NCOR2: variants seen among roughly 807,000 people sequenced by gnomAD.
NCOR2 encodes nuclear receptor corepressor 2.
A neutral mutation model predicts 262.9 loss-of-function variants in NCOR2; 81 were observed. The ratio of observed to expected loss-of-function variants is 0.31; its 90% CI spans 0.26 to 0.37. The LOEUF is 0.37. Among genes scored for constraint, NCOR2 ranks in the 10% least tolerant of loss-of-function variants. NCOR2 has a pLI of 1.00. For missense variants in NCOR2, 3,385 were observed against 3,621.4 expected, an observed-to-expected ratio of 0.93 and a Z score of 1.68; for synonymous variants, 1,659 against 1,559.3, an observed-to-expected ratio of 1.06 and a Z score of -1.51.
chr12:124,560,145 G>A (rs982730224), intron 1 of NCOR2, among the ~76,000 whole-genome samples: 5 of 152,202 alleles, frequency 3.3e-5, no homozygotes, highest in African/African-American at 7.2e-5. Flanking sequence ...CAGGGAAACC[G>A]TGCAAGGCTA....
intron 22 of NCOR2, among the ~76,000 whole-genome samples, chr12:124,358,706 G>C (rs917946567): frequency 4.6e-5 from 7 of 152,254 alleles, no homozygotes; most frequent in South Asian, 2.1e-4. Context: ...GCCAGTGCAA[G>C]CAGCGGTTGT....
chr12:124,375,293 A>C (rs1379358135), intron 18 of NCOR2, among the ~76,000 whole-genome samples: 2 of 152,054 alleles, frequency 1.3e-5, no homozygotes, highest in African/African-American at 4.8e-5. Context: ...CAGGGATGAA[A>C]CTTCTGGGTC....
intron 8 of NCOR2, among the ~76,000 whole-genome samples, chr12:124,435,966 T>G (rs1193908169): frequency 2.6e-5 from 4 of 152,206 alleles, no homozygotes; most frequent in Admixed American, 2.6e-4. Context: ...CCCTAATGTA[T>G]GGAGAGCACT....
intron 8 of NCOR2, among the ~76,000 whole-genome samples, chr12:124,435,278 C>T (rs1702324): frequency 0.87 from 132,479 of 152,268 alleles, 57,805 homozygotes; most frequent in East Asian, 0.96. Context: ...CTGTGACTCC[C>T]GGGCACCCAG....
intron 20 of NCOR2, among the ~76,000 whole-genome samples, chr12:124,364,868 T>C (rs531902546): frequency 2.0e-5 from 3 of 152,108 alleles, no homozygotes; most frequent in South Asian, 4.2e-4. Context: ...CATTTGGATG[T>C]ATGGAGGCAG....
At chr12:124,332,280 G>A in intron 43 of NCOR2, 39 bp downstream of exon 45, 1 of 1,611,524 alleles carries the variant, frequency 6.2e-7, no homozygotes, top group South Asian at 1.1e-5. Flanking sequence ...CCGCCCACCT[G>A]TGGCCCCATG....
rs534245183 is a variant in NCOR2, at chr12:124,387,764, C to T, written c.1877-1877G>A. 2.9e-3 allele frequency among the ~76,000 whole-genome samples: 441 copies of T among 152,322 alleles called. 7 individuals are homozygous for T. The highest frequency in any genetic ancestry group is 0.01 in the African/African-American group (426 of 41,578). On this transcript the variant is annotated intron_variant, in intron 16 of 46. Transcript: ENST00000405201. ...ACTTCCAGAACCTGGCGGACAGGGC[C>T]GCGCGTTTATTTATATTTCCCCAGC...
At chr12:124,435,530 C>A (rs1374888630) in intron 8 of NCOR2, among the ~76,000 whole-genome samples, 4 of 152,204 alleles carry the variant, frequency 2.6e-5, no homozygotes, top group Non-Finnish European at 4.4e-5. Flanking sequence ...CCCTCTAGTA[C>A]CCAACCAAGT....
chr12:124,350,765 G>A (rs2037379462), intron 27 of NCOR2, 28 bp from the exon 30 acceptor site: 4 of 1,598,050 alleles, frequency 2.5e-6, no homozygotes, highest in Non-Finnish European at 3.4e-6. Flanking sequence ...TGAGCGCCCA[G>A]GAGGCTGCAG....
At chr12:124,400,961 T>C (rs1301776543) in intron 14 of NCOR2, among the ~76,000 whole-genome samples, 1 of 152,106 alleles carries the variant, frequency 6.6e-6, no homozygotes, top group East Asian at 1.9e-4. Context: ...TCTCAGCACT[T>C]TGGGAGGCCG....
intron 8 of NCOR2, among the ~76,000 whole-genome samples, chr12:124,435,543 G>A (rs1018636729): frequency 3.3e-5 from 5 of 152,170 alleles, no homozygotes; most frequent in Admixed American, 2.6e-4. Flanking sequence ...AACCAAGTTC[G>A]GGGCCAGAGC....
At chr12:124,429,524 C>T (rs1220942377) in intron 10 of NCOR2, 89 bp downstream of exon 12, 10 of 1,382,006 alleles carry the variant, frequency 7.2e-6, no homozygotes, top group East Asian at 5.0e-5. Flanking sequence ...GTAAACCACC[C>T]GGGAGGTGGT....
At chr12:124,368,518 C>T (rs1468923051) in intron 20 of NCOR2, among the ~76,000 whole-genome samples, 1 of 152,220 alleles carries the variant, frequency 6.6e-6, no homozygotes, top group Admixed American at 6.5e-5. Context: ...ACCCGTGGGG[C>T]CTGCCCACCT....
intron 37 of NCOR2, among the ~76,000 whole-genome samples, chr12:124,337,816 G>A (rs941769207): frequency 6.6e-6 from 1 of 152,190 alleles, no homozygotes; most frequent in Non-Finnish European, 1.5e-5. Context: ...GCTGGAACAG[G>A]AGCCGGCTGC....
chr12:124,490,362 A>G (rs1189963128), intron 1 of NCOR2, among the ~76,000 whole-genome samples: 1 of 152,176 alleles, frequency 6.6e-6, no homozygotes, highest in Non-Finnish European at 1.5e-5. Context: ...CTGCACTGCA[A>G]GGGCCTGGAA....
In NCOR2 at chr12:124,398,371, C is replaced by T. The variant is rs542274517; in HGVS notation, c.1814-190G>A. ...AGCCAGTACCCACCGTGGCACCTGA[C>T]TCCCTGAGCCTTTATGCTGGGCTGG... On this transcript the variant is annotated intron_variant, in intron 15 of 46. Coordinates refer to ENST00000405201, the Ensembl canonical transcript of NCOR2. 3.3e-5 allele frequency among the ~76,000 whole-genome samples: 5 copies of T among 152,372 alleles called. No homozygotes were observed. The East Asian group carries it at 9.6e-4, about 29-fold the overall frequency.
intron 1 of NCOR2, among the ~76,000 whole-genome samples, chr12:124,501,513 C>T (rs983019825): frequency 1.9e-4 from 29 of 152,186 alleles, no homozygotes; most frequent in African/African-American, 7.0e-4. Flanking sequence ...GCCCTTCCTA[C>T]TTCCTCACTC....
intron 41 of NCOR2, among the ~76,000 whole-genome samples, chr12:124,333,925 TGTGC>T (rs2035583933): frequency 2.7e-5 from 4 of 149,576 alleles, no homozygotes; most frequent in African/African-American, 7.6e-5. Context: ...TGTGCATGTG[TGTGC>T]GCGCGCATGT....
chr12:124,346,344 G>C (rs1003864421), intron 31 of NCOR2, among the ~76,000 whole-genome samples: 1 of 152,188 alleles, frequency 6.6e-6, no homozygotes, highest in Non-Finnish European at 1.5e-5. Flanking sequence ...TGAAGAATGG[G>C]AACAATGTGA....
Sources: gnomAD v4.1 joint callset for allele counts (sites outside exome capture counted in the v4.1 genomes callset) on GRCh38, gnomAD v4.1.1 for gene constraint, MANE v1.5 for transcripts, NCBI Gene and HGNC (gene_info 2026-07-23, HGNC 2026-07-21) for gene names.